Variants in SGCZ observed in about 807,000 individuals in gnomAD.
The protein encoded by SGCZ is zeta-sarcoglycan.
SGCZ carries 40 observed loss-of-function variants against 41.3 expected under a neutral mutation model. That is an observed-to-expected ratio of 0.97 (90% CI 0.75 to 1.26). The LOEUF (loss-of-function observed/expected upper bound fraction) is 1.26. Among genes scored for constraint, SGCZ ranks in the 50% most tolerant of loss-of-function variants. The probability of loss-of-function intolerance (pLI) is 0.00; values close to 1 mark genes in which losing one functional copy is unlikely to be tolerated. For missense variants in SGCZ, 552 were observed against 369.8 expected (o/e 1.49, Z -4.04); for synonymous variants, 206 against 137.5 (o/e 1.50, Z -3.49).
intron 1 of SGCZ, among the ~76,000 whole-genome samples, chr8:14,991,248 G>C (rs1802004963): frequency 6.6e-6 from 1 of 151,998 alleles, no homozygotes; most frequent in African/African-American, 2.4e-5. Flanking sequence ...ATTCCATTCA[G>C]AAACTAAACA....
intron 1 of SGCZ, among the ~76,000 whole-genome samples, chr8:15,043,854 A>C (rs1321106166): frequency 6.6e-6 from 1 of 152,078 alleles, no homozygotes; most frequent in Non-Finnish European, 1.5e-5. Flanking sequence ...GTTATAAGTG[A>C]AGTAGAATTC....
rs535730572 is a variant in SGCZ at position 14,968,506 on chromosome 8, T to G, written c.39+269079A>C. Among the ~76,000 whole-genome samples, 11 of 152,162 alleles carry G rather than the reference T, an allele frequency of 7.2e-5. No individual in the cohort carries two copies. The South Asian group carries it at 2.1e-3, about 29-fold the overall frequency. ...ATCCTAGATTAGGATAAGAAGAAAATAGCATACTCCATTTTCTTAAGATAT... is the reference window on the plus strand; with the variant it reads ...ATCCTAGATTAGGATAAGAAGAAAAGAGCATACTCCATTTTCTTAAGATAT... On this transcript the variant is annotated intron_variant, in intron 1 of 7. Coordinates refer to ENST00000382080, the MANE Select transcript of SGCZ (RefSeq NM_139167.4).
Position 15,203,287 on chromosome 8 carries a change from C to T in SGCZ, c.39+34298G>A, listed in dbSNP as rs75608098. 3.6e-3 allele frequency among the ~76,000 whole-genome samples: 547 copies of T among 152,182 alleles called. 17 individuals carry two copies. In the East Asian group the frequency reaches 0.077, roughly 22 times the overall value. On this transcript the variant is annotated intron_variant, in intron 1 of 7. Coordinates refer to ENST00000382080, the MANE Select transcript of SGCZ (RefSeq NM_139167.4). ...AATCTATATTCTAAAAGTTTCTAAA[C>T]GGTCTTTTGCCTTTTATCTCTATTT...
chr8:15,205,570 G>C (rs1801031410), intron 1 of SGCZ, among the ~76,000 whole-genome samples: 1 of 152,026 alleles, frequency 6.6e-6, no homozygotes, highest in Non-Finnish European at 1.5e-5. Context: ...TCTCATACCA[G>C]TCACAATGGC....
At chr8:14,267,702 C>A (rs907475514) in intron 3 of SGCZ, among the ~76,000 whole-genome samples, 59 of 152,008 alleles carry the variant, frequency 3.9e-4, no homozygotes, top group African/African-American at 1.2e-3. Context: ...TTTGTAAAAT[C>A]TCTTTGGGAT....
At chr8:14,640,345 C>G (rs989379481) in intron 1 of SGCZ, among the ~76,000 whole-genome samples, 18 of 151,636 alleles carry the variant, frequency 1.2e-4, no homozygotes, top group African/African-American at 4.4e-4. Flanking sequence ...ACTTTTAGCA[C>G]TTTGAAGATA....
At chr8:14,608,921 C>T (rs1164978738) in intron 1 of SGCZ, among the ~76,000 whole-genome samples, 1 of 151,976 alleles carries the variant, frequency 6.6e-6, no homozygotes, top group Non-Finnish European at 1.5e-5. Flanking sequence ...CTTCTTAGGA[C>T]AATTTAGATA....
At chr8:14,315,161 A>G (rs1801674153) in intron 3 of SGCZ, among the ~76,000 whole-genome samples, 1 of 152,140 alleles carries the variant, frequency 6.6e-6, no homozygotes, top group Non-Finnish European at 1.5e-5. Context: ...TGGATGCATC[A>G]CTTATATTTC....
intron 1 of SGCZ, among the ~76,000 whole-genome samples, chr8:14,704,229 A>C (rs1051632087): frequency 1.9e-4 from 29 of 152,016 alleles, no homozygotes; most frequent in Admixed American, 6.6e-5. Context: ...TAATAATAGC[A>C]GTAACTCTTG....
chr8:14,606,719 C>T (rs1041817321), intron 1 of SGCZ, among the ~76,000 whole-genome samples: 1 of 152,170 alleles, frequency 6.6e-6, no homozygotes, highest in African/African-American at 2.4e-5. Context: ...ATGAAGTATA[C>T]AGCAAAATCC....
At chr8:14,520,071 A>G (rs1802744163) in intron 2 of SGCZ, among the ~76,000 whole-genome samples, 1 of 152,170 alleles carries the variant, frequency 6.6e-6, no homozygotes, top group South Asian at 2.1e-4. Flanking sequence ...ATAAAGGAGT[A>G]ACAATCATTC....
intron 2 of SGCZ, among the ~76,000 whole-genome samples, chr8:14,441,083 C>A (rs974796633): frequency 3.9e-5 from 6 of 152,080 alleles, no homozygotes; most frequent in African/African-American, 1.4e-4. Context: ...TGATACAGGA[C>A]CGAAGTCTGG....
At chr8:14,573,603 T>C (rs1436070140) in intron 1 of SGCZ, among the ~76,000 whole-genome samples, 1 of 152,210 alleles carries the variant, frequency 6.6e-6, no homozygotes, top group East Asian at 1.9e-4. Context: ...TGGATTATAA[T>C]AACTTTGTCT....
At chr8:14,535,041 T>C (rs1803253042) in intron 2 of SGCZ, among the ~76,000 whole-genome samples, 1 of 152,008 alleles carries the variant, frequency 6.6e-6, no homozygotes, top group African/African-American at 2.4e-5. Context: ...TTAGTTAGTA[T>C]AAAAACTTCA....
At chr8:14,491,084 G>A (rs1449576470) in intron 2 of SGCZ, among the ~76,000 whole-genome samples, 1 of 152,000 alleles carries the variant, frequency 6.6e-6, no homozygotes, top group East Asian at 1.9e-4. Context: ...CTTCTTTCCA[G>A]CCCAGTATTA....
At chr8:14,675,008 A>C (rs1221804483) in intron 1 of SGCZ, among the ~76,000 whole-genome samples, 1 of 127,996 alleles carries the variant, frequency 7.8e-6, no homozygotes, top group African/African-American at 3.0e-5. Flanking sequence ...GCGTGAACCC[A>C]GCTCACTGCA....
intron 1 of SGCZ, among the ~76,000 whole-genome samples, chr8:14,645,014 C>T (rs1310039772): frequency 6.6e-6 from 1 of 150,538 alleles, no homozygotes; most frequent in Non-Finnish European, 1.5e-5. Flanking sequence ...TGCAGGTGGT[C>T]TCAGGTCTCA....
chr8:15,055,924 A>G (rs1250123875), intron 1 of SGCZ, among the ~76,000 whole-genome samples: 1 of 152,176 alleles, frequency 6.6e-6, no homozygotes, highest in East Asian at 1.9e-4. Flanking sequence ...AAACCCTGCC[A>G]TCCTTTATTT....
chr8:15,070,078 G>C (rs1340894509), intron 1 of SGCZ, among the ~76,000 whole-genome samples: 1 of 152,070 alleles, frequency 6.6e-6, no homozygotes, highest in Non-Finnish European at 1.5e-5. Context: ...CTTCCAGTGT[G>C]AAACATTTTC....
Sources: allele counts gnomAD v4.1 joint callset (sites outside exome capture counted in the v4.1 genomes callset), GRCh38; gene constraint gnomAD v4.1.1; transcripts MANE v1.5; gene names NCBI Gene and HGNC (gene_info 2026-07-23, HGNC 2026-07-21).